MAGED1: variants seen among roughly 807,000 people sequenced by gnomAD.
The protein encoded by MAGED1 is melanoma-associated antigen D1.
MAGED1 carries 3 observed loss-of-function variants against 54.1 expected under a neutral mutation model. That is an observed-to-expected ratio of 0.06 (90% confidence interval 0.03 to 0.14). The LOEUF (loss-of-function observed/expected upper bound fraction) is 0.14. Ranked by LOEUF, MAGED1 falls within the 10% of genes least tolerant of loss-of-function variation. The probability of loss-of-function intolerance (pLI) is 1.00; values close to 1 mark genes in which losing one functional copy is unlikely to be tolerated. For synonymous variants in MAGED1, 217 were observed against 227.3 expected, an observed-to-expected ratio of 0.95 and a Z score of 0.41; for missense variants, 485 against 623.4, an observed-to-expected ratio of 0.78 and a Z score of 2.36.
In MAGED1 at chrX:51,897,055, A is replaced by G. The variant is rs1557364406; in HGVS notation, c.1400A>G (p.Asp467Gly). 1 of 1,211,392 alleles carries G rather than the reference A, an allele frequency of 8.3e-7. No homozygotes were observed. The highest frequency in any genetic ancestry group is 2.2e-5 in the Admixed American group (1 of 46,080). ...AACCCAGGTGCTGCACAGCCCCGAG[A>G]TGTGGCCCTTCTTCAGGAAAGAGTA... ...SQNPGAAQPR[D>G]VALLQERANK... Residue 467 changes from aspartate (D) to glycine (G), a missense_variant, in exon 4 of 13, where the codon GAT (aspartate) becomes GGT (glycine). By Grantham distance (94) the Asp-to-Gly change is moderately conservative (BLOSUM62 -1). Around this residue, in one of 2 missense-constraint regions of MAGED1, gnomAD observed 186 missense variants for 330.3 expected, o/e 0.56. Transcript: ENST00000326587.
rs1316092913 is a variant in MAGED1, at chrX:51,822,085, C to A, written c.-37+18968C>A. 4.5e-5 allele frequency among the ~76,000 whole-genome samples: 5 copies of A among 111,564 alleles called. No homozygotes were observed. In the Admixed American group the frequency reaches 4.8e-4, roughly 11 times the overall value. On this transcript the variant is annotated intron_variant, in intron 1 of 12. Coordinates refer to the MAGED1 transcript ENST00000375772. Reference sequence around the variant, plus strand: ...GTCTGGTTTTGCTATCAGAACAATACTGGCCTCACAGAATAAGTTAGGAAG... The same window carrying A: ...GTCTGGTTTTGCTATCAGAACAATAATGGCCTCACAGAATAAGTTAGGAAG...
intron 1 of MAGED1, among the ~76,000 whole-genome samples, chrX:51,810,449 T>C (rs1480586149): frequency 1.8e-5 from 2 of 112,340 alleles, no homozygotes; most frequent in African/African-American, 6.5e-5. Flanking sequence ...TAAACATGGC[T>C]TTCATTTGTT....
chrX:51,901,570 T>G lies in MAGED1; in HGVS notation c.1977T>G (p.Pro659=). Residue 659 remains proline (P), a synonymous_variant, in exon 12 of 13, where the codon CCT becomes CCG. Transcript: ENST00000326587. ...CATCTCAGGTTCAGAAAAGAGACCC[T>G]CGTGACTGGACTGCACAGTTCATGG... ...RFIAEVQKRD[P]RDWTAQFMEA... is the part of the protein sequence containing the mutation. 1 of 1,157,983 alleles carries G rather than the reference T, an allele frequency of 8.6e-7. No individual in the cohort carries two copies. Among genetic ancestry groups the G allele is most frequent in the Non-Finnish European group, 1.2e-6 (1 of 869,281 alleles).
At chrX:51,836,931 T>C (rs1557357983) in intron 1 of MAGED1, among the ~76,000 whole-genome samples, 1 of 111,614 alleles carries the variant, frequency 9.0e-6, no homozygotes, top group African/African-American at 3.3e-5. Context: ...GTTCTTTTTC[T>C]GCACTGTTTC....
intron 1 of MAGED1, among the ~76,000 whole-genome samples, chrX:51,826,889 A>C (rs185872165): frequency 2.7e-5 from 3 of 112,542 alleles, no homozygotes; most frequent in Non-Finnish European, 3.8e-5. Flanking sequence ...TATTTACTCA[A>C]ATGGGTTGAA....
intron 1 of MAGED1, 129 bp downstream of exon 1, chrX:51,893,884 G>A (rs1602269119): frequency 1.2e-5 from 1 of 80,791 alleles, no homozygotes; most frequent in Admixed American, 1.6e-4. Flanking sequence ...TGCCCCTCCC[G>A]ATCCTTCCTG....
chrX:51,827,641 G>T (rs1281128559), intron 1 of MAGED1, among the ~76,000 whole-genome samples: 1 of 111,509 alleles, frequency 9.0e-6, no homozygotes, highest in African/African-American at 3.3e-5. Flanking sequence ...GCATATACGG[G>T]AGCAGAGAGT....
intron 1 of MAGED1, among the ~76,000 whole-genome samples, chrX:51,810,017 A>T (rs1162595594): frequency 9.0e-6 from 1 of 111,466 alleles, no homozygotes; most frequent in Non-Finnish European, 1.9e-5. Flanking sequence ...TTTCTTAGCA[A>T]CCGCCACTGT....
chrX:51,864,340 G>A (rs958152869), intron 1 of MAGED1, among the ~76,000 whole-genome samples: 1 of 111,563 alleles, frequency 9.0e-6, no homozygotes, highest in Non-Finnish European at 1.9e-5. Flanking sequence ...TTAGTTGACT[G>A]TATATGCATG....
chrX:51,831,007 G>A lies in MAGED1; in HGVS notation c.-37+27890G>A, dbSNP rs782238233. ...TTCCCAAGTAGCCGGGACTACAGGCGCGTGCCACCACGCCCAGCTAATTTT... is the reference window on the plus strand; with the variant it reads ...TTCCCAAGTAGCCGGGACTACAGGCACGTGCCACCACGCCCAGCTAATTTT... On this transcript the variant is annotated intron_variant, in intron 1 of 12. Coordinates refer to the MAGED1 transcript ENST00000375772. Among the ~76,000 whole-genome samples the A allele has an allele frequency of 1.3e-3, 140 of 111,189 alleles. 3 individuals carry two copies. The Middle Eastern group carries it at 0.023, about 19-fold the overall frequency.
chrX:51,878,353 G>A (rs781897924), intron 1 of MAGED1, among the ~76,000 whole-genome samples: 1 of 111,356 alleles, frequency 9.0e-6, no homozygotes, highest in South Asian at 3.9e-4. Context: ...GAAAGCCTGC[G>A]ATGGTGAGAA....
rs781983114 is a variant in MAGED1 at position 51,902,311 on chromosome X, T to C, written c.*174T>C. The C allele has an allele frequency of 6.9e-4, 94 of 137,046 alleles. No homozygotes were observed. The highest frequency in any genetic ancestry group is 1.1e-3 in the Non-Finnish European group (79 of 70,237). 11.3% of individuals were successfully genotyped at this position (137,046 alleles called of 1,213,427 possible). ...CTGCTTTTTTTCCCCTTGTGTGCTG[T>C]CAAGTTTTGGTATCAGAAATAAACA... On this transcript the variant is annotated 3_prime_UTR_variant, in exon 13 of 13. Transcript: ENST00000326587.
chrX:51,833,343 C>T (rs1926135920), intron 1 of MAGED1, among the ~76,000 whole-genome samples: 1 of 109,872 alleles, frequency 9.1e-6, no homozygotes, highest in South Asian at 3.9e-4. Context: ...CACACACATA[C>T]ATTTAGTTTT....
upstream of MAGED1, among the ~76,000 whole-genome samples, chrX:51,890,214 G>C (rs1413822492): frequency 1.8e-5 from 2 of 112,466 alleles, no homozygotes; most frequent in Non-Finnish European, 3.8e-5. Context: ...TTCCCTGGTT[G>C]ACAGTATTTC....
At chrX:51,874,033 G>A (rs1211488588) in intron 1 of MAGED1, among the ~76,000 whole-genome samples, 1 of 111,630 alleles carries the variant, frequency 9.0e-6, no homozygotes, top group Admixed American at 9.6e-5. Flanking sequence ...AAAAGGAGAT[G>A]TTGGTAGGAT....
At chrX:51,842,319 A>G (rs939789714) in intron 1 of MAGED1, among the ~76,000 whole-genome samples, 4 of 111,727 alleles carry the variant, frequency 3.6e-5, no homozygotes, top group African/African-American at 1.3e-4. Context: ...GAAAAGCTTT[A>G]TTTTCAACAT....
chrX:51,838,693 G>A (rs1926346065), intron 1 of MAGED1, among the ~76,000 whole-genome samples: 1 of 111,581 alleles, frequency 9.0e-6, no homozygotes, highest in East Asian at 2.8e-4. Flanking sequence ...CCGATGAGAA[G>A]AATGTAAACT....
upstream of MAGED1, among the ~76,000 whole-genome samples, chrX:51,889,479 T>G (rs1928356890): frequency 9.4e-6 from 1 of 106,760 alleles, no homozygotes; most frequent in South Asian, 4.3e-4. Flanking sequence ...AATAGAAAAA[T>G]TATCCGGGCG....
At chrX:51,894,509 G>A (rs1928610804) in intron 2 of MAGED1, 160 bp downstream of exon 2, 10 of 805,760 alleles carry the variant, frequency 1.2e-5, no homozygotes, top group Non-Finnish European at 1.8e-5. Flanking sequence ...AGGGGGGGAG[G>A]GGCGTCTCTT....
Sources: gnomAD v4.1 joint callset for allele counts (sites outside exome capture counted in the v4.1 genomes callset) on GRCh38, gnomAD v4.1.1 for gene constraint, gnomAD v4.1.1 regional missense constraint, MANE v1.5 for transcripts, NCBI Gene and HGNC (gene_info 2026-07-23, HGNC 2026-07-21) for gene names.